The following PARP10 variants were observed in gnomAD, a reference collection of about 807,000 sequenced individuals.
PARP10 encodes the protein poly(ADP-ribose) polymerase family member 10, also known as protein mono-ADP-ribosyltransferase PARP10.
Under a neutral mutation model 82.4 loss-of-function variants are expected in PARP10, and 56 were observed. That is an observed-to-expected ratio of 0.68 (90% confidence interval 0.55 to 0.85). The LOEUF is 0.85. Ranked by LOEUF, PARP10 falls within the 40% of genes least tolerant of loss-of-function variation. The pLI is 0.00. For synonymous variants in PARP10, 576 were observed against 601.1 expected, an observed-to-expected ratio of 0.96 and a Z score of 0.61; for missense variants, 1,227 against 1,379.4, an observed-to-expected ratio of 0.89 and a Z score of 1.75.
upstream of PARP10, chr8:143,992,585 C>G (rs782410911): frequency 2.5e-6 from 4 of 1,614,156 alleles, no homozygotes; most frequent in South Asian, 4.4e-5. Context: ...GTACGCCTCA[C>G]TGGGCGCTCT....
chr8:143,986,848 C>T (rs1448052283), upstream of PARP10: 1 of 180,734 alleles, frequency 5.5e-6, no homozygotes, highest in Non-Finnish European at 1.2e-5. Flanking sequence ...TCCAGGCCCG[C>T]CCCCGGCCAA....
At chr8:143,986,487 G>A (rs759347740), upstream of PARP10, 1 of 1,490,826 alleles carries the variant, frequency 6.7e-7, no homozygotes, top group Non-Finnish European at 9.3e-7. Flanking sequence ...AGGAGGGAGG[G>A]AGCAGCTGGG....
Position 143,984,303 on chromosome 8 carries a change from C to T in PARP10, c.1587G>A (p.Gly529=). 6.2e-7 allele frequency: 1 copy of T among 1,614,046 alleles called. No homozygotes were observed. The highest frequency in any genetic ancestry group is 1.1e-5 in the South Asian group (1 of 91,090). Residue 529 remains glycine (G), a synonymous_variant, in exon 6 of 11, where the codon GGG becomes GGA. Transcript: ENST00000313028. ...CCTCCAGCCCCTGGAGAAGGTGCTG[C>T]CCTTCTGGGCCCAGGAGAAACCTGG... ...GSARFLLGPE[G]QHLLQGLEAQ...
At chr8:143,992,100 C>G (rs1554750616), upstream of PARP10, 1 of 1,612,224 alleles carries the variant, frequency 6.2e-7, no homozygotes, top group African/African-American at 1.3e-5. Context: ...ACCTGAGCCT[C>G]TGTGCCTGGG....
rs1554748944 is a variant in PARP10, at chr8:143,985,129, C to G, written c.873G>C (p.Gly291=). The G allele has an allele frequency of 3.7e-6, 6 of 1,614,086 alleles. No homozygotes were observed. ...CCTCGCCAGAGCCCATTGTCACAGT[C>G]CCTGCACCCTGCAGAGCCGTCACCA... ...GGLVTALQGA[G]TVTMGSGEEP... is the part of the protein sequence containing the mutation. Residue 291 remains glycine (G), a synonymous_variant, in exon 5 of 11, where the codon GGG becomes GGC. Transcript: ENST00000313028.
In PARP10 at chr8:143,983,976, AG is replaced by A. The variant is rs1193239059; in HGVS notation, c.1777+31del. On this transcript the variant is annotated intron_variant, in intron 7 of 10. Coordinates refer to ENST00000313028, the MANE Select transcript of PARP10 (RefSeq NM_032789.5). ...GGGGGTGAGGTCAAGTGAGGGCCAC[AG>A]GATGTGCTGAGGGCTCCCAGGGAGC... is the stretch of plus-strand genomic sequence containing the variant. The A allele has an allele frequency of 7.4e-6, 11 of 1,494,072 alleles. No homozygotes were observed. In the Admixed American group the frequency reaches 1.4e-4, roughly 19 times the overall value. The allele number at this position is 1,494,072 out of a possible 1,614,324, so 92.6% of individuals were successfully genotyped here. A position where few individuals can be genotyped will look rare whatever the true frequency, so the allele number is the denominator to read the frequency against.
At chr8:144,003,478 A>T (rs1834216433) in intron 1 of PARP10, among the ~76,000 whole-genome samples, 1 of 151,800 alleles carries the variant, frequency 6.6e-6, no homozygotes, top group Non-Finnish European at 1.5e-5. Context: ...TTCAGAAATT[A>T]TACAAACATT....
chr8:143,993,238 CA>C (rs1554750897), upstream of PARP10: 2 of 249,706 alleles, frequency 8.0e-6, no homozygotes, highest in African/African-American at 4.5e-5. Flanking sequence ...TGGCGTAGAG[CA>C]CCCCTCCCCT....
At chr8:143,981,092 G>A (rs1554747587) in intron 9 of PARP10, among the ~76,000 whole-genome samples, 2 of 151,510 alleles carry the variant, frequency 1.3e-5, no homozygotes, top group Non-Finnish European at 2.9e-5. Flanking sequence ...TCATCAAGGT[G>A]CTCACTAAAT....
upstream of PARP10, chr8:143,990,726 A>G (rs2133061777): frequency 6.6e-6 from 1 of 152,186 alleles, no homozygotes; most frequent in African/African-American, 2.4e-5. The surrounding 1 kb of genome is among the most constrained non-coding windows in gnomAD (Gnocchi z 5.6). Flanking sequence ...TTGGTCACAG[A>G]TGGCCCGGGG....
In PARP10 at chr8:143,985,812, G is replaced by C. The variant is rs1587460397; in HGVS notation, c.345C>G (p.Ala115=). The C allele has an allele frequency of 6.2e-7, 1 of 1,612,010 alleles. No homozygotes were observed. The highest frequency in any genetic ancestry group is 8.5e-7 in the Non-Finnish European group (1 of 1,179,600). The change falls in exon 3 of 11, where the codon GCC becomes GCG. Residue 115 remains alanine, a synonymous_variant. Transcript: ENST00000313028. The part of the protein sequence containing the change: ...LEQHVQALLR[A]SGLPVQPCCA... ...AGCAAGGCTGTACTGGGAGCCCCGA[G>C]GCCCGCAGCAAGGCCTGGACATGCT...
chr8:144,007,929 G>A (rs1351238608), intron 1 of PARP10, among the ~76,000 whole-genome samples: 1 of 152,302 alleles, frequency 6.6e-6, no homozygotes, highest in Admixed American at 6.5e-5. Context: ...ACAGTGCCTG[G>A]TATACAATAA....
chr8:143,986,386 G>T lies in PARP10; in HGVS notation c.-27C>A. On this transcript the variant is annotated 5_prime_UTR_variant, in exon 1 of 11. Transcript: ENST00000313028. The stretch of plus-strand genomic sequence containing the variant: ...CCCCGTGGCCGCTAGGCAGCCTCAG[G>T]CCATGAGCTCAGCCAGGACTCCTGT... The T allele has an allele frequency of 6.2e-7, 1 of 1,614,156 alleles. No homozygotes were observed. Among genetic ancestry groups the T allele is most frequent in the African/African-American group, 1.3e-5 (1 of 75,052 alleles).
At chr8:144,010,691 G>A (rs1359529027) in intron 1 of PARP10, among the ~76,000 whole-genome samples, 1 of 152,080 alleles carries the variant, frequency 6.6e-6, no homozygotes, top group Non-Finnish European at 1.5e-5. Context: ...CCTGGGCAAT[G>A]TGGTAAGACC....
chr8:143,994,408 G>A (rs1200735561), upstream of PARP10, among the ~76,000 whole-genome samples: 10 of 152,070 alleles, frequency 6.6e-5, no homozygotes, highest in African/African-American at 1.4e-4. Context: ...GGACCCTAGC[G>A]GTGTGTTTCT....
At chr8:144,006,210 A>G (rs1834235642) in intron 1 of PARP10, among the ~76,000 whole-genome samples, 1 of 152,222 alleles carries the variant, frequency 6.6e-6, no homozygotes. Context: ...TGTGCCTGGC[A>G]TCTAGCAGGT....
At chr8:144,009,616 C>T (rs557973152) in intron 1 of PARP10, among the ~76,000 whole-genome samples, 2 of 152,284 alleles carry the variant, frequency 1.3e-5, no homozygotes, top group South Asian at 2.1e-4. Flanking sequence ...TTCTCCTCTA[C>T]GACCTGGAGC....
chr8:144,001,666 A>C lies in PARP10; in HGVS notation c.-80+10864T>G, dbSNP rs956112657. 2.9e-4 allele frequency among the ~76,000 whole-genome samples: 44 copies of C among 152,158 alleles called. 1 individual carries two copies. The highest frequency in any genetic ancestry group is 8.7e-4 in the African/African-American group (36 of 41,434). On this transcript the variant is annotated intron_variant, in intron 1 of 3. Transcript: ENST00000530478. ...GGTAACAGTGAGCAGAGGTCACGCC[A>C]TTGCACACCAGCCTGGGCAACAAGA...
rs563466268 is a variant in PARP10, at chr8:144,001,388, C to T, written c.-80+11142G>A. Among the ~76,000 whole-genome samples, 31 of 152,148 alleles carry T rather than the reference C, an allele frequency of 2.0e-4. No homozygotes were observed. The South Asian group carries it at 6.2e-3, about 31-fold the overall frequency. Reference sequence around the variant, plus strand: ...GCGTGAGACACAGTGCCTGGCCGAACCTTAGTTTTTAAAATATAAATTTAA... The same window carrying T: ...GCGTGAGACACAGTGCCTGGCCGAATCTTAGTTTTTAAAATATAAATTTAA... On this transcript the variant is annotated intron_variant, in intron 1 of 3. Coordinates refer to the PARP10 transcript ENST00000530478.
Sources: gnomAD v4.1 joint callset for allele counts (sites outside exome capture counted in the v4.1 genomes callset) on GRCh38, gnomAD v4.1.1 for gene constraint, Gnocchi (gnomAD v3.1) non-coding constraint, MANE v1.5 for transcripts, NCBI Gene and HGNC (gene_info 2026-07-23, HGNC 2026-07-21) for gene names.